The following LMX1A variants were observed in gnomAD, a reference collection of about 807,000 sequenced individuals.
LMX1A encodes LIM homeobox transcription factor 1 alpha.
LMX1A carries 15 observed loss-of-function variants against 49.1 expected under a neutral mutation model. That is an observed-to-expected ratio of 0.31 (90% CI 0.20 to 0.47). LMX1A has a LOEUF of 0.47. Ranked by LOEUF, LMX1A falls within the 20% of genes least tolerant of loss-of-function variation. The pLI, the probability that LMX1A is intolerant of heterozygous loss-of-function variation, is 1.00. For missense variants in LMX1A, 372 were observed against 475.8 expected (o/e 0.78, Z 2.03); for synonymous variants, 167 against 185.7 (o/e 0.90, Z 0.82).
At chr1:165,313,198 T>C (rs1400138863) in intron 3 of LMX1A, among the ~76,000 whole-genome samples, 1 of 152,154 alleles carries the variant, frequency 6.6e-6, no homozygotes. Flanking sequence ...CAGAGTTCCA[T>C]GTTGAAAAAT....
intron 3 of LMX1A, among the ~76,000 whole-genome samples, chr1:165,277,359 C>T (rs1654001050): frequency 6.6e-6 from 1 of 152,184 alleles, no homozygotes; most frequent in African/African-American, 2.4e-5. Context: ...ACCAGGAGCG[C>T]CAGCTTCCAG....
At chr1:165,283,313 G>C (rs1175914573) in intron 3 of LMX1A, among the ~76,000 whole-genome samples, 1 of 152,152 alleles carries the variant, frequency 6.6e-6, no homozygotes, top group Admixed American at 6.5e-5. Flanking sequence ...CACCATCTAG[G>C]TTTGAGTAAG....
chr1:165,266,544 T>C (rs1232236202), intron 3 of LMX1A, among the ~76,000 whole-genome samples: 1 of 151,476 alleles, frequency 6.6e-6, no homozygotes, highest in East Asian at 1.9e-4. Context: ...GAGGGCATTT[T>C]GCAAAGAAGC....
rs1215451952 is a variant in LMX1A at position 165,355,065 on chromosome 1, T to C, written c.76+419A>G. Among the ~76,000 whole-genome samples the C allele has an allele frequency of 6.6e-6, 1 of 151,900 alleles. No individual in the cohort carries two copies. Among genetic ancestry groups the C allele is most frequent in the Non-Finnish European group, 1.5e-5 (1 of 67,982 alleles). Reference sequence around the variant, plus strand: ...TGGCTGAAATTGGGGCTGGAGTTGGTGGGGGAGAGAAGCCTCCTCGAACTT... The same window carrying C: ...TGGCTGAAATTGGGGCTGGAGTTGGCGGGGGAGAGAAGCCTCCTCGAACTT... On this transcript the variant is annotated intron_variant, in intron 2 of 8. Coordinates refer to ENST00000342310, the MANE Select transcript of LMX1A (RefSeq NM_177398.4). The surrounding 1 kb of genome is among the most constrained non-coding windows in gnomAD (Gnocchi z 4.7).
chr1:165,313,778 A>G (rs922573927), intron 3 of LMX1A, among the ~76,000 whole-genome samples: 1 of 152,196 alleles, frequency 6.6e-6, no homozygotes, highest in African/African-American at 2.4e-5. Flanking sequence ...TCACTGAGGC[A>G]TGGCATACAA....
intron 3 of LMX1A, among the ~76,000 whole-genome samples, chr1:165,283,139 A>G (rs1324767252): frequency 1.3e-5 from 2 of 152,230 alleles, no homozygotes; most frequent in Non-Finnish European, 2.9e-5. Context: ...AAATTATAAT[A>G]CCATATTTTT....
intron 3 of LMX1A, among the ~76,000 whole-genome samples, chr1:165,250,031 G>GGA (rs1652999056): frequency 6.6e-6 from 1 of 151,652 alleles, no homozygotes; most frequent in African/African-American, 2.4e-5. Context: ...GCTGAACAAT[G>GGA]ACACATGGAC....
intron 3 of LMX1A, 71 bp from the exon 4 acceptor site, chr1:165,249,711 G>A (rs1652987175): frequency 2.7e-6 from 3 of 1,121,102 alleles, no homozygotes; most frequent in Non-Finnish European, 4.0e-6. Context: ...CTCCCCTGAA[G>A]TCAACAGCAA....
At chr1:165,222,261 C>T (rs745305591) in intron 4 of LMX1A, among the ~76,000 whole-genome samples, 29 of 152,132 alleles carry the variant, frequency 1.9e-4, no homozygotes, top group Admixed American at 7.2e-4. Flanking sequence ...CATAACAAGT[C>T]GATTCAGATG....
At chr1:165,293,421 C>T (rs574243637) in intron 3 of LMX1A, among the ~76,000 whole-genome samples, 1 of 152,348 alleles carries the variant, frequency 6.6e-6, no homozygotes, top group South Asian at 2.1e-4. Flanking sequence ...ACTCTTACCT[C>T]AGTTTTCTCA....
intron 3 of LMX1A, among the ~76,000 whole-genome samples, chr1:165,325,934 G>A (rs917204384): frequency 2.6e-5 from 4 of 152,046 alleles, no homozygotes; most frequent in Non-Finnish European, 2.9e-5. Context: ...ACCCTCCCCC[G>A]GGCCTGCCTG....
intron 5 of LMX1A, chr1:165,212,780 A>G (rs776011682): frequency 5.9e-5 from 9 of 152,212 alleles, no homozygotes; most frequent in Non-Finnish European, 1.3e-4. Context: ...GAGTAATTGA[A>G]TCACTAAGTT....
chr1:165,291,019 A>G (rs868203949), intron 3 of LMX1A, among the ~76,000 whole-genome samples: 42 of 152,368 alleles, frequency 2.8e-4, no homozygotes, highest in African/African-American at 9.6e-4. Flanking sequence ...CTAACAATTT[A>G]TATACCTGCC....
At position 165,264,387 on chromosome 1, in the gene LMX1A, G is replaced by A. The variant is rs117317250; in HGVS notation, c.264-14747C>T. On this transcript the variant is annotated intron_variant, in intron 3 of 8. Coordinates refer to ENST00000342310, the MANE Select transcript of LMX1A (RefSeq NM_177398.4). ...GTTTAAAATCACAGTGACTAGTTAT[G>A]TGTACAGACATGCATAAAGCATGCA... 7.8e-4 allele frequency among the ~76,000 whole-genome samples: 119 copies of A among 152,206 alleles called. No homozygotes were observed. In the East Asian group the frequency reaches 0.021, roughly 27 times the overall value.
Position 165,310,851 on chromosome 1 carries a change from G to T in LMX1A, c.263+42225C>A, listed in dbSNP as rs75608374. Among the ~76,000 whole-genome samples, 818 of 152,296 alleles carry T rather than the reference G, an allele frequency of 5.4e-3. 9 individuals carry two copies. Among genetic ancestry groups the T allele is most frequent in the African/African-American group, 0.019 (771 of 41,558 alleles). On this transcript the variant is annotated intron_variant, in intron 3 of 8. Transcript: ENST00000342310. Reference sequence around the variant, plus strand: ...ACAGAGGGAATGCGATGCGGACAAGGACTTGAGAAAGTATGTTGTATTTGA... The same window carrying T: ...ACAGAGGGAATGCGATGCGGACAAGTACTTGAGAAAGTATGTTGTATTTGA...
At chr1:165,206,277 C>A (rs1651076695) in intron 7 of LMX1A, among the ~76,000 whole-genome samples, 1 of 152,060 alleles carries the variant, frequency 6.6e-6, no homozygotes, top group African/African-American at 2.4e-5. Flanking sequence ...TGATGCTAGC[C>A]ACATGTTTGG....
intron 3 of LMX1A, among the ~76,000 whole-genome samples, chr1:165,346,785 C>A (rs1656258688): frequency 6.6e-6 from 1 of 152,170 alleles, no homozygotes; most frequent in Non-Finnish European, 1.5e-5. Flanking sequence ...AGTGTGAAAA[C>A]AAACATGTAG....
intron 4 of LMX1A, among the ~76,000 whole-genome samples, chr1:165,238,199 A>G (rs1652522437): frequency 6.6e-6 from 1 of 151,258 alleles, no homozygotes; most frequent in Non-Finnish European, 1.5e-5. Context: ...ATTACAGGTC[A>G]GCTTGTAGAA....
At chr1:165,288,688 G>A (rs999658379) in intron 3 of LMX1A, among the ~76,000 whole-genome samples, 5 of 152,186 alleles carry the variant, frequency 3.3e-5, no homozygotes, top group Non-Finnish European at 4.4e-5. Context: ...GAGGTACACC[G>A]TGTGTGTGTG....
Sources: gnomAD v4.1 joint callset for allele counts (sites outside exome capture counted in the v4.1 genomes callset) on GRCh38, gnomAD v4.1.1 for gene constraint, Gnocchi (gnomAD v3.1) non-coding constraint, MANE v1.5 for transcripts, NCBI Gene and HGNC (gene_info 2026-07-23, HGNC 2026-07-21) for gene names.